Variants in MYT1L observed in about 807,000 individuals in gnomAD.
MYT1L encodes myelin transcription factor 1-like protein.
A neutral mutation model predicts 126.7 loss-of-function variants in MYT1L; 12 were observed. The observed-to-expected ratio is 0.09, with a 90% CI of 0.06 to 0.15. The LOEUF (loss-of-function observed/expected upper bound fraction) is 0.15, where lower values mean the gene tolerates loss of function less well. Among genes scored for constraint, MYT1L ranks in the 10% least tolerant of loss-of-function variants. MYT1L has a pLI of 1.00. For missense variants in MYT1L, 979 were observed against 1,585.2 expected (o/e 0.62, Z 6.49); for synonymous variants, 541 against 604.2 (o/e 0.90, Z 1.53).
Position 1,792,396 on chromosome 2 carries a change from C to T in MYT1L, c.3345G>A (p.Glu1115=). ...GGTTCGCCAGCTCGTGGAGGAGAGA[C>T]TCGTTCTGCTGCTCAATCACTTTGT... ...EENKVIEQQN[E]SLLHELANLS... is the part of the protein sequence containing the mutation. Residue 1115 remains glutamate, a synonymous_variant, in exon 24 of 25, where the codon GAG becomes GAA. Transcript: ENST00000647738. The T allele has an allele frequency of 6.2e-7, 1 of 1,613,308 alleles. No individual in the cohort carries two copies. The highest frequency in any genetic ancestry group is 1.1e-5 in the South Asian group (1 of 90,910).
chr2:2,241,512 G>C (rs1324132221), intron 2 of MYT1L, among the ~76,000 whole-genome samples: 1 of 152,158 alleles, frequency 6.6e-6, no homozygotes, highest in Admixed American at 6.5e-5. Flanking sequence ...AACTCAGCTG[G>C]GAGGCCACAT....
At chr2:2,121,334 T>C (rs2080975854) in intron 3 of MYT1L, among the ~76,000 whole-genome samples, 1 of 151,872 alleles carries the variant, frequency 6.6e-6, no homozygotes. Context: ...TCCACCATCA[T>C]GCCCAGCTAA....
intron 4 of MYT1L, among the ~76,000 whole-genome samples, chr2:2,020,004 C>G (rs2064870773): frequency 6.6e-6 from 1 of 151,976 alleles, no homozygotes; most frequent in African/African-American, 2.4e-5. Context: ...GCCACTGCAC[C>G]CGGCTAATTT....
rs188346720 is a variant in MYT1L, at chr2:1,902,434, G to A, written c.2032+646C>T. Among the ~76,000 whole-genome samples, 40 of 152,324 alleles carry A rather than the reference G, an allele frequency of 2.6e-4. No homozygotes were observed. The East Asian group carries it at 6.0e-3, about 23-fold the overall frequency. On this transcript the variant is annotated intron_variant, in intron 14 of 24. Transcript: ENST00000647738. ...GCCCCATCGTCCCCAGTCACAGGGG[G>A]ACTCCGGTGCCGGTCTTCTGTGAAG...
chr2:1,834,133 A>G (rs1410083352), intron 21 of MYT1L, among the ~76,000 whole-genome samples: 1 of 152,240 alleles, frequency 6.6e-6, no homozygotes, highest in Non-Finnish European at 1.5e-5. Flanking sequence ...AAAACAGGCA[A>G]CTTCTATTTC....
intron 1 of MYT1L, among the ~76,000 whole-genome samples, chr2:2,292,418 T>G (rs2095613053): frequency 6.6e-6 from 1 of 152,250 alleles, no homozygotes; most frequent in African/African-American, 2.4e-5. Flanking sequence ...TGGAAAGAAC[T>G]GTTGGGAAAA....
intron 4 of MYT1L, among the ~76,000 whole-genome samples, chr2:2,037,659 G>C (rs766628940): frequency 6.6e-6 from 1 of 151,824 alleles, no homozygotes; most frequent in Non-Finnish European, 1.5e-5. Flanking sequence ...GGGAGGCTGA[G>C]TCAGGAGAAT....
At chr2:1,837,127 T>C (rs2041009826) in intron 21 of MYT1L, among the ~76,000 whole-genome samples, 1 of 152,044 alleles carries the variant, frequency 6.6e-6, no homozygotes, top group Non-Finnish European at 1.5e-5. Context: ...GAGATCTTGG[T>C]GGAGGGCTGT....
chr2:1,937,223 TCTGCCTCAGGG>T (rs965357118), intron 9 of MYT1L, among the ~76,000 whole-genome samples: 1 of 152,162 alleles, frequency 6.6e-6, no homozygotes, highest in African/African-American at 2.4e-5. Context: ...CCACATCGAC[TCTGCCTCAGGG>T]CGGCCTCCAT....
intron 3 of MYT1L, among the ~76,000 whole-genome samples, chr2:2,068,310 G>C (rs1331799739): frequency 6.6e-6 from 1 of 152,132 alleles, no homozygotes; most frequent in African/African-American, 2.4e-5. Flanking sequence ...CGAGGTTGCA[G>C]TGGCTGAAGC....
At chr2:2,212,540 C>A (rs1480887679) in intron 2 of MYT1L, among the ~76,000 whole-genome samples, 1 of 151,994 alleles carries the variant, frequency 6.6e-6, no homozygotes, top group Admixed American at 6.6e-5. Flanking sequence ...GATTTTAATT[C>A]CCATAAATGC....
intron 4 of MYT1L, among the ~76,000 whole-genome samples, chr2:2,043,646 T>C (rs1363720663): frequency 1.3e-5 from 2 of 152,150 alleles, no homozygotes; most frequent in Non-Finnish European, 2.9e-5. Context: ...GTCTTACTCA[T>C]GGGTGACTGG....
At chr2:2,170,897 A>ATGAGGACTGAATGAAGAGAG (rs2089954538) in intron 3 of MYT1L, among the ~76,000 whole-genome samples, 2 of 152,208 alleles carry the variant, frequency 1.3e-5, no homozygotes, top group South Asian at 4.1e-4. Context: ...GTGAGGACTG[A>ATGAGGACTGAATGAAGAGAG]TGAGGACTGA....
chr2:2,122,872 T>TGAGA (rs57060194), intron 3 of MYT1L, among the ~76,000 whole-genome samples: 134 of 132,972 alleles, frequency 1.0e-3, no homozygotes, highest in African/African-American at 1.6e-3. Context: ...TGTGTGTGTG[T>TGAGA]GAGAGAGAGA....
At chr2:2,169,530 T>C (rs2089687363) in intron 3 of MYT1L, among the ~76,000 whole-genome samples, 1 of 152,248 alleles carries the variant, frequency 6.6e-6, no homozygotes, top group Admixed American at 6.5e-5. Context: ...TAACATCTTT[T>C]TCAGCATTAA....
chr2:2,136,489 A>T (rs907223695), intron 3 of MYT1L, among the ~76,000 whole-genome samples: 4 of 152,158 alleles, frequency 2.6e-5, no homozygotes, highest in African/African-American at 9.7e-5. Context: ...GATATGAGAG[A>T]TTATTTCTCT....
chr2:2,004,223 AGGCG>A (rs2062810433), intron 4 of MYT1L, among the ~76,000 whole-genome samples: 4 of 127,724 alleles, frequency 3.1e-5, no homozygotes, highest in Non-Finnish European at 1.8e-5. Context: ...TCTTTCCTGC[AGGCG>A]TTCTTTCCTG....
At chr2:1,873,497 C>T (rs927089781) in intron 18 of MYT1L, among the ~76,000 whole-genome samples, 3 of 152,212 alleles carry the variant, frequency 2.0e-5, no homozygotes, top group Admixed American at 1.3e-4. Flanking sequence ...GCTGATTGAA[C>T]CCAAACTCAG....
intron 3 of MYT1L, among the ~76,000 whole-genome samples, chr2:2,143,366 T>C (rs1314504009): frequency 6.6e-6 from 1 of 151,508 alleles, no homozygotes; most frequent in African/African-American, 2.4e-5. Flanking sequence ...AAACAGGAAC[T>C]GACGGAGGAG....
Sources: gnomAD v4.1 joint callset for allele counts (sites outside exome capture counted in the v4.1 genomes callset) on GRCh38, gnomAD v4.1.1 for gene constraint, MANE v1.5 for transcripts, NCBI Gene and HGNC (gene_info 2026-07-23, HGNC 2026-07-21) for gene names.